COL24A1: variants seen among roughly 807,000 people sequenced by gnomAD.
The protein encoded by COL24A1 is collagen type XXIV alpha 1 chain.
A neutral mutation model predicts 253.9 loss-of-function variants in COL24A1; 224 were observed. That is an observed-to-expected ratio of 0.88 (90% CI 0.79 to 0.99). COL24A1 has a LOEUF of 0.99. COL24A1 is among the 50% of genes least tolerant of loss of function. COL24A1 has a pLI of 0.00. For synonymous variants in COL24A1, 685 were observed against 673.7 expected, an observed-to-expected ratio of 1.02 and a Z score of -0.26; for missense variants, 2,131 against 2,068.5, an observed-to-expected ratio of 1.03 and a Z score of -0.59.
At chr1:85,850,611 C>T (rs1677648137) in intron 37 of COL24A1, among the ~76,000 whole-genome samples, 1 of 152,102 alleles carries the variant, frequency 6.6e-6, no homozygotes, top group Non-Finnish European at 1.5e-5. Flanking sequence ...GATTAATCTT[C>T]ATAGAGATTA....
chr1:85,744,731 C>T lies in COL24A1; in HGVS notation c.4607G>A (p.Gly1536Asp). The T allele has an allele frequency of 6.2e-7, 1 of 1,608,132 alleles. No individual in the cohort carries two copies. The highest frequency in any genetic ancestry group is 8.5e-7 in the Non-Finnish European group (1 of 1,178,194). Reference sequence around the variant, plus strand: ...GATTCGTGCTGGGTTATCTCGTGTGCCAAGAGGATTCTTGATGCTGTGCAA... The same window carrying T: ...GATTCGTGCTGGGTTATCTCGTGTGTCAAGAGGATTCTTGATGCTGTGCAA... ...NLLHSIKNPL[G>D]TRDNPARICK... Residue 1536 changes from glycine (G) to aspartate (D), a missense_variant, in exon 57 of 60, where the codon GGC (glycine) becomes GAC (aspartate). Transcript: ENST00000370571.
At chr1:86,064,140 A>G (rs922621110) in intron 7 of COL24A1, among the ~76,000 whole-genome samples, 1 of 152,084 alleles carries the variant, frequency 6.6e-6, no homozygotes, top group Non-Finnish European at 1.5e-5. Context: ...AATAGTGCTA[A>G]GACAAATGGC....
At chr1:85,829,462 G>A (rs1178889896) in intron 43 of COL24A1, among the ~76,000 whole-genome samples, 3 of 151,642 alleles carry the variant, frequency 2.0e-5, no homozygotes, top group African/African-American at 7.3e-5. Context: ...GAATCTGAAT[G>A]TTGGCCTGCC....
chr1:86,112,814 C>T (rs1232560293), intron 4 of COL24A1, among the ~76,000 whole-genome samples, 194 bp from the exon 5 acceptor site: 1 of 152,182 alleles, frequency 6.6e-6, no homozygotes, highest in Non-Finnish European at 1.5e-5. Flanking sequence ...CAGATCTCAA[C>T]TCATTTTTAA....
At chr1:86,107,995 C>T (rs1421064718) in intron 5 of COL24A1, among the ~76,000 whole-genome samples, 1 of 152,060 alleles carries the variant, frequency 6.6e-6, no homozygotes, top group Non-Finnish European at 1.5e-5. Context: ...GTTTTTAAAT[C>T]CCTCATATGT....
chr1:85,859,858 C>T (rs1173755445), intron 37 of COL24A1, among the ~76,000 whole-genome samples: 1 of 152,058 alleles, frequency 6.6e-6, no homozygotes, highest in African/African-American at 2.4e-5. Flanking sequence ...TGGTGTGTGC[C>T]TATAGTCCCA....
At chr1:85,761,349 T>C in intron 55 of COL24A1, 47 bp downstream of exon 55, 1 of 1,602,656 alleles carries the variant, frequency 6.2e-7, no homozygotes. Flanking sequence ...AAAGTTAATA[T>C]GACATACTAA....
intron 32 of COL24A1, among the ~76,000 whole-genome samples, chr1:85,885,389 A>AT (rs1424903746): frequency 1.1e-5 from 1 of 89,034 alleles, no homozygotes; most frequent in Non-Finnish European, 2.4e-5. Flanking sequence ...ATATATATAT[A>AT]TATATATATT....
At chr1:85,842,766 T>C (rs527684568) in intron 39 of COL24A1, among the ~76,000 whole-genome samples, 1 of 152,266 alleles carries the variant, frequency 6.6e-6, no homozygotes, top group South Asian at 2.1e-4. Context: ...CTGAGAGTTT[T>C]TGACATTGTC....
chr1:85,766,987 C>T (rs1667448068), intron 53 of COL24A1, among the ~76,000 whole-genome samples: 1 of 151,872 alleles, frequency 6.6e-6, no homozygotes, highest in Non-Finnish European at 1.5e-5. Context: ...GCCTGTAGTC[C>T]CAGCTACTCA....
At chr1:85,961,895 G>C (rs980693130) in intron 23 of COL24A1, among the ~76,000 whole-genome samples, 1 of 152,148 alleles carries the variant, frequency 6.6e-6, no homozygotes, top group Non-Finnish European at 1.5e-5. Flanking sequence ...TGAGCCAATC[G>C]CTTCCCACTA....
At chr1:86,081,696 T>C (rs1702653475) in intron 7 of COL24A1, among the ~76,000 whole-genome samples, 1 of 152,192 alleles carries the variant, frequency 6.6e-6, no homozygotes, top group Admixed American at 6.5e-5. Flanking sequence ...ATTACTTATG[T>C]AGTGATTTGT....
At chr1:86,119,892 T>C (rs1300822509) in intron 3 of COL24A1, among the ~76,000 whole-genome samples, 3 of 152,118 alleles carry the variant, frequency 2.0e-5, no homozygotes, top group Non-Finnish European at 4.4e-5. Context: ...CTTCAAACTA[T>C]ACTACAAGGC....
At chr1:86,114,589 G>T (rs1323499517) in intron 4 of COL24A1, among the ~76,000 whole-genome samples, 2 of 152,126 alleles carry the variant, frequency 1.3e-5, no homozygotes, top group Admixed American at 1.3e-4. Flanking sequence ...AGCCCAATGA[G>T]AATTCATCTT....
intron 43 of COL24A1, among the ~76,000 whole-genome samples, chr1:85,834,612 C>T (rs1046240212): frequency 5.3e-5 from 8 of 152,238 alleles, no homozygotes; most frequent in Non-Finnish European, 7.4e-5. Flanking sequence ...AGCCCCCCTC[C>T]GCCCACAGCA....
At chr1:85,754,536 A>AT (rs1454918612) in intron 55 of COL24A1, among the ~76,000 whole-genome samples, 1 of 75,270 alleles carries the variant, frequency 1.3e-5, no homozygotes, top group Non-Finnish European at 3.0e-5. Context: ...TTAGAGTATA[A>AT]TAAAAAAAAA....
At chr1:85,953,501 A>T (rs1348966580) in intron 24 of COL24A1, among the ~76,000 whole-genome samples, 1 of 152,176 alleles carries the variant, frequency 6.6e-6, no homozygotes, top group Non-Finnish European at 1.5e-5. Flanking sequence ...CATTTTCTAG[A>T]TCGTATACTA....
chr1:85,837,304 CTA>C (rs1331374266), intron 43 of COL24A1, among the ~76,000 whole-genome samples: 2 of 152,096 alleles, frequency 1.3e-5, no homozygotes, highest in East Asian at 3.8e-4. Flanking sequence ...ATATTTAGAA[CTA>C]TTCTCAACAT....
chr1:85,850,999 G>A (rs1677701151), intron 37 of COL24A1, among the ~76,000 whole-genome samples: 1 of 113,880 alleles, frequency 8.8e-6, no homozygotes, highest in African/African-American at 3.0e-5. Context: ...GTGTGTGTGT[G>A]TGTATATATA....
Sources: gnomAD v4.1 joint callset for allele counts (sites outside exome capture counted in the v4.1 genomes callset) on GRCh38, gnomAD v4.1.1 for gene constraint, MANE v1.5 for transcripts, NCBI Gene and HGNC (gene_info 2026-07-23, HGNC 2026-07-21) for gene names.